The following GNG2 variants were observed in gnomAD, a reference collection of about 807,000 sequenced individuals.
The protein encoded by GNG2 is guanine nucleotide-binding protein G(I)/G(S)/G(O) subunit gamma-2.
GNG2 carries 5 observed loss-of-function variants against 5.5 expected under a neutral mutation model. That is an observed-to-expected ratio of 0.91 (90% CI 0.48 to 1.92). The LOEUF is 1.92. Ranked by LOEUF, GNG2 falls within the 30% of genes most tolerant of loss-of-function variation. GNG2 has a pLI of 0.01. For missense variants in GNG2, 55 were observed against 88.4 expected, an observed-to-expected ratio of 0.62 and a Z score of 1.52; for synonymous variants, 28 against 32.0, an observed-to-expected ratio of 0.88 and a Z score of 0.42.
rs1312389774 is a variant in GNG2 at position 51,969,721 on chromosome 14, ACCTG to A, written c.*3035_*3038del. On this transcript the variant is annotated 3_prime_UTR_variant, in exon 4 of 4. Coordinates refer to ENST00000556766, the MANE Select transcript of GNG2 (RefSeq NM_053064.5). ...ACTACAGAAATGTTAAAGCAGGAAA[ACCTG>A]AATGTGATGTGCACATTTTCATCCC... The A allele has an allele frequency of 2.0e-5, 3 of 152,256 alleles. No individual in the cohort carries two copies. In the East Asian group the frequency reaches 5.8e-4, roughly 29 times the overall value. 9.4% of individuals were successfully genotyped at this position (152,256 alleles called of 1,614,324 possible).
intron 2 of GNG2, among the ~76,000 whole-genome samples, chr14:51,925,959 TAGGGCCAAA>T (rs1887288089): frequency 3.9e-5 from 6 of 151,956 alleles, no homozygotes; most frequent in African/African-American, 1.4e-4. Flanking sequence ...GAGGATGAAG[TAGGGCCAAA>T]GAGAAAAAGG....
Position 51,861,173 on chromosome 14 carries a change from C to T in GNG2, c.-71+383C>T, listed in dbSNP as rs537263623. 2.6e-5 allele frequency among the ~76,000 whole-genome samples: 4 copies of T among 152,276 alleles called. No individual in the cohort carries two copies. The East Asian group carries it at 7.7e-4, about 29-fold the overall frequency. On this transcript the variant is annotated intron_variant, in intron 1 of 3. Coordinates refer to ENST00000556766, the MANE Select transcript of GNG2 (RefSeq NM_053064.5). ...TGGTGTAAAATATTAATTGCATTCT[C>T]TTTCTTACACATTGCACTGGGATAT...
chr14:51,936,081 G>A (rs967971665), intron 2 of GNG2, among the ~76,000 whole-genome samples: 3 of 152,056 alleles, frequency 2.0e-5, no homozygotes, highest in Non-Finnish European at 2.9e-5. Context: ...TCCAGGGACC[G>A]CCAGAACTGG....
At chr14:51,954,486 G>A (rs1458556661) in intron 3 of GNG2, among the ~76,000 whole-genome samples, 2 of 152,180 alleles carry the variant, frequency 1.3e-5, no homozygotes, top group Non-Finnish European at 2.9e-5. Flanking sequence ...CAGGGCTTCA[G>A]TAAATCTGTT....
At chr14:51,881,143 G>A (rs889772764) in intron 2 of GNG2, among the ~76,000 whole-genome samples, 24 of 152,084 alleles carry the variant, frequency 1.6e-4, no homozygotes, top group African/African-American at 4.1e-4. Context: ...ACAGGACCTC[G>A]CTGAATCTTT....
At chr14:51,902,132 CAT>C (rs1418859405) in intron 2 of GNG2, among the ~76,000 whole-genome samples, 1 of 151,946 alleles carries the variant, frequency 6.6e-6, no homozygotes, top group Non-Finnish European at 1.5e-5. Flanking sequence ...GATTTTATCA[CAT>C]ATTGATATTT....
At chr14:51,926,511 C>T (rs1226748380) in intron 2 of GNG2, among the ~76,000 whole-genome samples, 8 of 152,136 alleles carry the variant, frequency 5.3e-5, no homozygotes, top group African/African-American at 1.9e-4. Flanking sequence ...GTGCTCAGCA[C>T]GTGGTGAGAA....
At chr14:51,833,664 CAGATATAAT>C (rs1881256962) in intron 2 of GNG2, among the ~76,000 whole-genome samples, 1 of 152,134 alleles carries the variant, frequency 6.6e-6, no homozygotes, top group Non-Finnish European at 1.5e-5. Flanking sequence ...TGTGGAGTAA[CAGATATAAT>C]AGAAGGATGT....
In GNG2 at chr14:51,967,243, G is replaced by T. The variant is rs548739583; in HGVS notation, c.*556G>T. 12 of 152,510 alleles carry T rather than the reference G, an allele frequency of 7.9e-5. No individual in the cohort carries two copies. Among genetic ancestry groups the T allele is most frequent in the Admixed American group, 6.5e-4 (10 of 15,332 alleles). 9.4% of individuals were successfully genotyped at this position (152,510 alleles called of 1,614,324 possible). On this transcript the variant is annotated 3_prime_UTR_variant, in exon 4 of 4. Transcript: ENST00000556766. ...GAGATAAGGCTGGACTGGTCTATCAGATTGAACTCCAAGAATGATCACACA... is the reference window on the plus strand; with the variant it reads ...GAGATAAGGCTGGACTGGTCTATCATATTGAACTCCAAGAATGATCACACA...
chr14:51,873,559 A>T (rs571181596), intron 1 of GNG2, among the ~76,000 whole-genome samples: 1 of 152,362 alleles, frequency 6.6e-6, no homozygotes, highest in East Asian at 1.9e-4. Flanking sequence ...GGTTAGCCAT[A>T]TTAGTGTTGG....
intron 2 of GNG2, among the ~76,000 whole-genome samples, chr14:51,837,367 A>G (rs1467403073): frequency 6.6e-6 from 1 of 151,988 alleles, no homozygotes; most frequent in Non-Finnish European, 1.5e-5. Context: ...TAACTCGGCC[A>G]GGGGTGGTGG....
intron 2 of GNG2, among the ~76,000 whole-genome samples, chr14:51,838,086 G>T (rs980102330): frequency 1.3e-5 from 2 of 151,676 alleles, no homozygotes; most frequent in Non-Finnish European, 2.9e-5. Flanking sequence ...TCCAAGTTTT[G>T]GATAATTGTT....
chr14:51,924,856 C>T (rs1566689941), intron 2 of GNG2, among the ~76,000 whole-genome samples: 1 of 152,234 alleles, frequency 6.6e-6, no homozygotes, highest in Non-Finnish European at 1.5e-5. Context: ...CATCTCTGCT[C>T]TTGTGTTCAT....
At chr14:51,840,176 G>A (rs373803083) in intron 2 of GNG2, among the ~76,000 whole-genome samples, 26 of 152,286 alleles carry the variant, frequency 1.7e-4, no homozygotes, top group East Asian at 1.4e-3. Context: ...AGATGTCATC[G>A]TAGGAGCTGG....
intron 2 of GNG2, among the ~76,000 whole-genome samples, chr14:51,851,697 C>G (rs1393256177): frequency 6.6e-6 from 1 of 152,188 alleles, no homozygotes; most frequent in Non-Finnish European, 1.5e-5. Flanking sequence ...GAGTCTGTCT[C>G]ACTAATAAAT....
chr14:51,862,984 C>T (rs1408426656), intron 1 of GNG2, among the ~76,000 whole-genome samples: 2 of 143,016 alleles, frequency 1.4e-5, no homozygotes, highest in Non-Finnish European at 1.5e-5. Flanking sequence ...TTTAATTGTG[C>T]TTTTTTTTTT....
At chr14:51,935,817 G>A (rs1887964629) in intron 2 of GNG2, among the ~76,000 whole-genome samples, 3 of 152,132 alleles carry the variant, frequency 2.0e-5, no homozygotes. Context: ...GTGGGAGCAG[G>A]CAAGTCACAT....
chr14:51,967,740 C>G lies in GNG2; in HGVS notation c.*1053C>G, dbSNP rs1890006735. The G allele has an allele frequency of 6.6e-6, 1 of 152,072 alleles. No individual in the cohort carries two copies. Among genetic ancestry groups the G allele is most frequent in the African/African-American group, 2.4e-5 (1 of 41,382 alleles). 9.4% of individuals were successfully genotyped at this position (152,072 alleles called of 1,614,324 possible). A position where few individuals can be genotyped will look rare whatever the true frequency, so the allele number is the denominator to read the frequency against. On this transcript the variant is annotated 3_prime_UTR_variant, in exon 4 of 4. Coordinates refer to ENST00000556766, the MANE Select transcript of GNG2 (RefSeq NM_053064.5). ...AGGAGAGTTAAGGATTCACCATGAG[C>G]TGGGAAATGCTTTTGCCATGAGTAT... is the stretch of plus-strand genomic sequence containing the variant.
chr14:51,860,740 G>T lies in GNG2; in HGVS notation c.-121G>T, dbSNP rs1882416663. ...CGCCGGAGCTCGCCTGCACAGATCAGCTCCGGAGAGGGGAAAACCACGCTC... is the reference window on the plus strand; with the variant it reads ...CGCCGGAGCTCGCCTGCACAGATCATCTCCGGAGAGGGGAAAACCACGCTC... On this transcript the variant is annotated 5_prime_UTR_variant, in exon 1 of 4. Transcript: ENST00000556766. The T allele has an allele frequency of 6.6e-6, 1 of 152,270 alleles. No homozygotes were observed. Among genetic ancestry groups the T allele is most frequent in the South Asian group, 2.1e-4 (1 of 4,838 alleles). 9.4% of individuals were successfully genotyped at this position (152,270 alleles called of 1,614,324 possible). A position where few individuals can be genotyped will look rare whatever the true frequency, so the allele number is the denominator to read the frequency against.
Sources: allele counts gnomAD v4.1 joint callset (sites outside exome capture counted in the v4.1 genomes callset), GRCh38; gene constraint gnomAD v4.1.1; transcripts MANE v1.5; gene names NCBI Gene and HGNC (gene_info 2026-07-23, HGNC 2026-07-21).